CCDC146: variants seen among roughly 807,000 people sequenced by gnomAD.
CCDC146 encodes coiled-coil domain-containing protein 146.
Under a neutral mutation model 119.3 loss-of-function variants are expected in CCDC146, and 92 were observed. That is an observed-to-expected ratio of 0.77 (90% confidence interval 0.65 to 0.92). The LOEUF is 0.92. Ranked by LOEUF, CCDC146 falls within the 40% of genes least tolerant of loss-of-function variation. CCDC146 has a pLI of 0.00. For missense variants in CCDC146, 1,000 were observed against 1,103.0 expected (o/e 0.91, Z 1.32); for synonymous variants, 372 against 371.8 (o/e 1.00, Z -0.01).
chr7:77,254,428 T>G, intron 4 of CCDC146, 78 bp from the exon 5 acceptor site: 15 of 777,150 alleles, frequency 1.9e-5, no homozygotes, highest in Non-Finnish European at 2.9e-5. Context: ...CATTCTGGGA[T>G]GAGAAGATAG....
chr7:77,247,316 G>A (rs933353364), intron 4 of CCDC146, among the ~76,000 whole-genome samples: 12 of 148,576 alleles, frequency 8.1e-5, no homozygotes, highest in African/African-American at 2.7e-4. Context: ...GTCACATCTT[G>A]TGAAAGAGCT....
At chr7:77,281,113 CAAA>C (rs368247535) in intron 14 of CCDC146, among the ~76,000 whole-genome samples, 1 of 131,698 alleles carries the variant, frequency 7.6e-6, no homozygotes, top group Non-Finnish European at 1.7e-5. Flanking sequence ...CAAAAACAAA[CAAA>C]AAAAAAAAAA....
chr7:77,237,091 G>T, intron 3 of CCDC146, 62 bp downstream of exon 3: 1 of 1,338,866 alleles, frequency 7.5e-7, no homozygotes, highest in South Asian at 1.2e-5. Flanking sequence ...CTGGTGATGA[G>T]ACCTGTCTTC....
chr7:77,192,797 T>C (rs1028142439), intron 2 of CCDC146, among the ~76,000 whole-genome samples: 3 of 151,670 alleles, frequency 2.0e-5, no homozygotes, highest in East Asian at 1.9e-4. Context: ...GTGGCAGGCG[T>C]CTGTAGTCCC....
chr7:77,257,773 G>A (rs926482459), intron 6 of CCDC146: 2 of 152,126 alleles, frequency 1.3e-5, no homozygotes, highest in Admixed American at 6.6e-5. Flanking sequence ...CGGGCAGGAA[G>A]GGGCTTTTCT....
At chr7:77,213,936 C>A (rs933721541) in intron 2 of CCDC146, among the ~76,000 whole-genome samples, 1 of 152,062 alleles carries the variant, frequency 6.6e-6, no homozygotes, top group Admixed American at 6.6e-5. Context: ...TATAAGAGTG[C>A]AGGTGTCTTT....
intron 6 of CCDC146, among the ~76,000 whole-genome samples, chr7:77,256,924 T>A (rs1014806567): frequency 6.6e-6 from 1 of 152,112 alleles, no homozygotes; most frequent in Non-Finnish European, 1.5e-5. Context: ...GCCAACATGG[T>A]GAAACCCTGT....
intron 2 of CCDC146, among the ~76,000 whole-genome samples, chr7:77,192,532 G>A (rs1351157741): frequency 2.0e-5 from 3 of 152,200 alleles, no homozygotes; most frequent in South Asian, 2.1e-4. Flanking sequence ...AGCGTAGTTT[G>A]TTTGTGTACA....
chr7:77,131,523 G>C (rs550717396), intron 1 of CCDC146, among the ~76,000 whole-genome samples: 73 of 152,084 alleles, frequency 4.8e-4, no homozygotes, highest in African/African-American at 1.7e-3. Context: ...TTTGAGACCA[G>C]CTTGGCCAAC....
chr7:77,280,103 C>T (rs1793735076), intron 13 of CCDC146, among the ~76,000 whole-genome samples: 1 of 152,126 alleles, frequency 6.6e-6, no homozygotes, highest in South Asian at 2.1e-4. Context: ...TTGGATATAA[C>T]CATCTCTGTC....
At chr7:77,206,392 A>G (rs966366362) in intron 2 of CCDC146, among the ~76,000 whole-genome samples, 1 of 152,116 alleles carries the variant, frequency 6.6e-6, no homozygotes, top group African/African-American at 2.4e-5. Flanking sequence ...CAAGGCAGGC[A>G]GATCACTTGA....
intron 1 of CCDC146, among the ~76,000 whole-genome samples, chr7:77,158,271 A>G (rs554156681): frequency 6.6e-6 from 1 of 152,298 alleles, no homozygotes; most frequent in Admixed American, 6.5e-5. Flanking sequence ...ATATTTATTT[A>G]ATTGATTTAG....
intron 1 of CCDC146, among the ~76,000 whole-genome samples, chr7:77,143,953 A>T (rs1790976262): frequency 6.6e-6 from 1 of 151,856 alleles, no homozygotes; most frequent in African/African-American, 2.4e-5. Flanking sequence ...TTCCGTGAAG[A>T]AAGTAATTGG....
intron 2 of CCDC146, among the ~76,000 whole-genome samples, chr7:77,201,886 T>C (rs149541932): frequency 5.9e-5 from 9 of 151,872 alleles, no homozygotes; most frequent in African/African-American, 1.9e-4. Flanking sequence ...TAGATAATTT[T>C]AAAAAGGAGA....
At chr7:77,236,921 C>CAGTG (rs1301548115) in intron 2 of CCDC146, 26 bp from the exon 3 acceptor site, 1 of 1,558,882 alleles carries the variant, frequency 6.4e-7, no homozygotes, top group Non-Finnish European at 8.9e-7. Flanking sequence ...TGGTGATTAA[C>CAGTG]AGTGACCTTA....
intron 2 of CCDC146, among the ~76,000 whole-genome samples, chr7:77,191,794 T>C (rs111834027): frequency 0.021 from 3,215 of 151,966 alleles, 111 homozygotes; most frequent in African/African-American, 0.073. Flanking sequence ...CCTGTAGTCC[T>C]AGCTACTTGG....
chr7:77,288,921 C>T (rs1793895330), intron 17 of CCDC146, among the ~76,000 whole-genome samples: 2 of 152,230 alleles, frequency 1.3e-5, no homozygotes, highest in African/African-American at 2.4e-5. Context: ...TCTAGAAGCA[C>T]ATGTGGAACA....
chr7:77,170,282 CTA>C (rs1791401098), intron 2 of CCDC146, among the ~76,000 whole-genome samples: 1 of 152,154 alleles, frequency 6.6e-6, no homozygotes, highest in Non-Finnish European at 1.5e-5. Flanking sequence ...TCCAGCTCTT[CTA>C]TGTCTCTGTG....
At chr7:77,154,803 C>T (rs1584029307) in intron 1 of CCDC146, among the ~76,000 whole-genome samples, 2 of 152,036 alleles carry the variant, frequency 1.3e-5, no homozygotes, top group East Asian at 1.9e-4. Flanking sequence ...ATTTATAATC[C>T]TTTCAGTATA....
Sources: gnomAD v4.1 joint callset for allele counts (sites outside exome capture counted in the v4.1 genomes callset) on GRCh38, gnomAD v4.1.1 for gene constraint, MANE v1.5 for transcripts, NCBI Gene and HGNC (gene_info 2026-07-23, HGNC 2026-07-21) for gene names.